Variants in EYS observed in about 807,000 individuals in gnomAD.
The protein encoded by EYS is EGF-like photoreceptor maintenance factor.
Under a neutral mutation model 282.1 loss-of-function variants are expected in EYS, and 250 were observed. The ratio of observed to expected loss-of-function variants is 0.89; its 90% CI spans 0.80 to 0.98. The LOEUF (loss-of-function observed/expected upper bound fraction) is 0.98, where lower values mean the gene tolerates loss of function less well. EYS is among the 50% of genes least tolerant of loss of function. The pLI, the probability that EYS is intolerant of heterozygous loss-of-function variation, is 0.00. For synonymous variants in EYS, 1,355 were observed against 1,282.9 expected (o/e 1.06, Z -1.20); for missense variants, 4,016 against 3,709.0 (o/e 1.08, Z -2.15).
At chr6:64,118,848 A>G (rs1220138201) in intron 31 of EYS, among the ~76,000 whole-genome samples, 1 of 151,794 alleles carries the variant, frequency 6.6e-6, no homozygotes, top group Non-Finnish European at 1.5e-5. Flanking sequence ...GCAAACAAAA[A>G]GAAAAACAGA....
chr6:65,454,104 CT>C (rs1304299938), intron 5 of EYS, among the ~76,000 whole-genome samples: 1 of 109,582 alleles, frequency 9.1e-6, no homozygotes, highest in Non-Finnish European at 2.1e-5. Context: ...AACTTCTATA[CT>C]TCTTTCCATA....
chr6:65,437,567 CATA>C (rs1273074500), intron 5 of EYS, among the ~76,000 whole-genome samples: 1 of 152,106 alleles, frequency 6.6e-6, no homozygotes, highest in Non-Finnish European at 1.5e-5. Context: ...ACTTTACCCA[CATA>C]ATAACATATG....
At chr6:64,547,128 G>A (rs1420598202) in intron 26 of EYS, among the ~76,000 whole-genome samples, 2 of 152,142 alleles carry the variant, frequency 1.3e-5, no homozygotes, top group African/African-American at 2.4e-5. Flanking sequence ...TGCGGTGAGT[G>A]TTACAGCTCA....
intron 11 of EYS, among the ~76,000 whole-genome samples, chr6:65,322,486 G>T (rs937824220): frequency 6.6e-6 from 1 of 152,020 alleles, no homozygotes; most frequent in African/African-American, 2.4e-5. Context: ...ATATCCATGC[G>T]ACCAGCAGGG....
intron 12 of EYS, among the ~76,000 whole-genome samples, chr6:65,097,240 A>G (rs1774764349): frequency 6.6e-6 from 1 of 151,190 alleles, no homozygotes; most frequent in Non-Finnish European, 1.5e-5. Flanking sequence ...AGGTATATGA[A>G]AAAATGCTCA....
At chr6:63,951,383 GT>G (rs1765586212) in intron 35 of EYS, among the ~76,000 whole-genome samples, 1 of 152,110 alleles carries the variant, frequency 6.6e-6, no homozygotes, top group Non-Finnish European at 1.5e-5. Context: ...GGTGCCTGAT[GT>G]CCAGGCATTC....
chr6:64,868,976 A>T (rs1385854643), intron 19 of EYS, among the ~76,000 whole-genome samples: 2 of 151,562 alleles, frequency 1.3e-5, no homozygotes, highest in Non-Finnish European at 3.0e-5. Flanking sequence ...AATATACTTA[A>T]TTGAATAAGT....
chr6:63,982,607 T>C (rs1439403898), intron 35 of EYS, among the ~76,000 whole-genome samples: 10 of 151,836 alleles, frequency 6.6e-5, no homozygotes, highest in Admixed American at 6.6e-4. Context: ...ATAATCTCTT[T>C]GTAATATACA....
intron 8 of EYS, among the ~76,000 whole-genome samples, chr6:65,369,381 C>G (rs1308092357): frequency 6.9e-6 from 1 of 144,674 alleles, no homozygotes; most frequent in African/African-American, 2.5e-5. Context: ...TCTGTTCCAA[C>G]AAAGCAAGAA....
chr6:63,951,316 T>A (rs1309109946), intron 35 of EYS, among the ~76,000 whole-genome samples: 2 of 152,144 alleles, frequency 1.3e-5, no homozygotes, highest in Admixed American at 1.3e-4. Flanking sequence ...TCACTTTCGA[T>A]TTCTCCATCC....
At chr6:63,960,383 G>C (rs1259098683) in intron 35 of EYS, among the ~76,000 whole-genome samples, 3 of 152,166 alleles carry the variant, frequency 2.0e-5, no homozygotes, top group African/African-American at 7.2e-5. Flanking sequence ...TCTTATAAAT[G>C]AGCAAAGAAA....
In EYS at chr6:65,146,338, T is replaced by C. The variant is rs561918547; in HGVS notation, c.2024-88611A>G. ...ACAAAAATAATAATGATCCATTGAA[T>C]ACTAATTCTCTTACACTTAGAAAGA... On this transcript the variant is annotated intron_variant, in intron 12 of 42. Transcript: ENST00000503581. Among the ~76,000 whole-genome samples, 7 of 152,040 alleles carry C rather than the reference T, an allele frequency of 4.6e-5. No homozygotes were observed. In the South Asian group the frequency reaches 1.2e-3, roughly 27 times the overall value.
chr6:64,663,837 T>C (rs1026947074), intron 22 of EYS, among the ~76,000 whole-genome samples: 8 of 152,118 alleles, frequency 5.3e-5, no homozygotes, highest in Non-Finnish European at 8.8e-5. Flanking sequence ...GAATAGAACC[T>C]TGGGCCATGC....
intron 26 of EYS, among the ~76,000 whole-genome samples, chr6:64,443,203 T>C (rs1177258353): frequency 6.6e-6 from 1 of 152,334 alleles, no homozygotes. Flanking sequence ...CTTTAAAATT[T>C]GACTGCCCTG....
At chr6:64,768,523 A>T (rs9452730) in intron 22 of EYS, among the ~76,000 whole-genome samples, 298 of 152,288 alleles carry the variant, frequency 2.0e-3, no homozygotes, top group African/African-American at 6.9e-3. Context: ...ATTATTGGCA[A>T]GGAATTCTTT....
At chr6:64,547,364 A>T (rs1188293576) in intron 26 of EYS, among the ~76,000 whole-genome samples, 1 of 152,132 alleles carries the variant, frequency 6.6e-6, no homozygotes, top group Non-Finnish European at 1.5e-5. Flanking sequence ...CCGTTTTGAC[A>T]GGGTGCTGAC....
chr6:65,399,584 T>G (rs1368819418), intron 7 of EYS, among the ~76,000 whole-genome samples: 1 of 152,086 alleles, frequency 6.6e-6, no homozygotes, highest in Non-Finnish European at 1.5e-5. Flanking sequence ...TGATTTTCTT[T>G]TAGTAGATAA....
chr6:63,871,262 G>A (rs1390421632), intron 35 of EYS, among the ~76,000 whole-genome samples: 2 of 152,190 alleles, frequency 1.3e-5, no homozygotes, highest in Admixed American at 1.3e-4. Flanking sequence ...AATAGACATT[G>A]AAACGTTTTT....
chr6:64,758,343 A>G (rs898151026), intron 22 of EYS, among the ~76,000 whole-genome samples: 1 of 152,182 alleles, frequency 6.6e-6, no homozygotes, highest in Non-Finnish European at 1.5e-5. Flanking sequence ...TGACAACATC[A>G]AAATATAAGA....
Sources: gnomAD v4.1 joint callset for allele counts (sites outside exome capture counted in the v4.1 genomes callset) on GRCh38, gnomAD v4.1.1 for gene constraint, MANE v1.5 for transcripts, NCBI Gene and HGNC (gene_info 2026-07-23, HGNC 2026-07-21) for gene names.